TNR: variants seen among roughly 807,000 people sequenced by gnomAD.
The protein encoded by TNR is tenascin-R.
A neutral mutation model predicts 150.4 loss-of-function variants in TNR; 45 were observed. The observed-to-expected ratio is 0.30, with a 90% CI of 0.24 to 0.38. TNR has a LOEUF of 0.38. Among genes scored for constraint, TNR ranks in the 10% least tolerant of loss-of-function variants. TNR has a pLI of 1.00. For missense variants in TNR, 1,544 were observed against 1,759.1 expected (o/e 0.88, Z 2.19); for synonymous variants, 687 against 678.4 (o/e 1.01, Z -0.20).
At chr1:175,333,514 T>A (rs564419354) in intron 20 of TNR, 1 of 152,360 alleles carries the variant, frequency 6.6e-6, no homozygotes, top group South Asian at 2.1e-4. Flanking sequence ...GCATTTACCT[T>A]ACATTTTTAT....
At chr1:175,487,528 T>C (rs1658066170) in intron 2 of TNR, among the ~76,000 whole-genome samples, 1 of 152,330 alleles carries the variant, frequency 6.6e-6, no homozygotes, top group African/African-American at 2.4e-5. Flanking sequence ...GTGGCTACCA[T>C]GGTTTTCTGT....
intron 1 of TNR, among the ~76,000 whole-genome samples, chr1:175,609,165 T>C (rs777251939): frequency 1.3e-5 from 2 of 152,302 alleles, no homozygotes; most frequent in Middle Eastern, 3.4e-3. Flanking sequence ...GATGCACAAA[T>C]ACTGACACAG....
At chr1:175,416,413 G>A (rs1654448832) in intron 2 of TNR, among the ~76,000 whole-genome samples, 1 of 152,132 alleles carries the variant, frequency 6.6e-6, no homozygotes, top group African/African-American at 2.4e-5. Flanking sequence ...TATAAATAAT[G>A]AATTCCTAAT....
intron 1 of TNR, among the ~76,000 whole-genome samples, chr1:175,661,911 T>A (rs571351038): frequency 6.6e-6 from 1 of 151,206 alleles, no homozygotes; most frequent in African/African-American, 2.4e-5. Flanking sequence ...AGAGGCTGCA[T>A]TCACTGCTCA....
chr1:175,373,037 A>AT (rs1652176612), intron 9 of TNR, among the ~76,000 whole-genome samples: 1 of 152,128 alleles, frequency 6.6e-6, no homozygotes, highest in East Asian at 1.9e-4. Flanking sequence ...CAAAGATTTT[A>AT]TTTTTTTCAG....
Position 175,324,495 on chromosome 1 carries a change from C to T in TNR, c.3818G>A (p.Gly1273Glu), listed in dbSNP as rs1649247742. The change falls in exon 22 of 23, where the codon GGA becomes GAA. Residue 1273 changes from glycine (G) to glutamate (E), a missense_variant. Gly to Glu is a moderately conservative substitution (Grantham distance 98). Transcript: ENST00000367674. Reference protein sequence around the residue: ...TAGDSLSYHQGRPFSTEDRDN... With the variant: ...TAGDSLSYHQERPFSTEDRDN... ...TCTATCCTCTGTGGAGAAAGGGCGT[C>T]CTTGATGATAGCTGAGGGAGTCCCC... 5 of 1,613,960 alleles carry T rather than the reference C, an allele frequency of 3.1e-6. No homozygotes were observed. The highest frequency in any genetic ancestry group is 4.2e-6 in the Non-Finnish European group (5 of 1,179,916).
chr1:175,465,588 G>C (rs1656999241), intron 2 of TNR, among the ~76,000 whole-genome samples: 1 of 152,180 alleles, frequency 6.6e-6, no homozygotes, highest in Admixed American at 6.5e-5. Flanking sequence ...GGTTCTTAGG[G>C]TCAAGCCTCT....
At chr1:175,354,640 T>C (rs957970201) in intron 17 of TNR, 117 bp from the exon 18 acceptor site, 5 of 1,310,032 alleles carry the variant, frequency 3.8e-6, no homozygotes, top group Non-Finnish European at 5.4e-6. Context: ...CAATGGCCAT[T>C]GTCATCCTCT....
chr1:175,487,162 CA>C (rs1401363645), intron 2 of TNR, among the ~76,000 whole-genome samples: 1 of 152,122 alleles, frequency 6.6e-6, no homozygotes, highest in East Asian at 1.9e-4. Context: ...CTTTTGTTGC[CA>C]TTGCTTTTGG....
chr1:175,463,291 T>C (rs1201505881), intron 2 of TNR, among the ~76,000 whole-genome samples: 1 of 152,176 alleles, frequency 6.6e-6, no homozygotes, highest in Non-Finnish European at 1.5e-5. Flanking sequence ...CCTTCCTGAT[T>C]TTACTGCATA....
intron 20 of TNR, among the ~76,000 whole-genome samples, chr1:175,331,058 T>TTTCCTTC (rs1553203362): frequency 1.5e-4 from 18 of 116,208 alleles, no homozygotes; most frequent in Middle Eastern, 4.4e-3. Flanking sequence ...TCTTTCTTTC[T>TTTCCTTC]TTCTTTCTTT....
chr1:175,362,560 C>T (rs1012482018), intron 14 of TNR, 103 bp downstream of exon 14: 162 of 1,457,344 alleles, frequency 1.1e-4, no homozygotes, highest in Non-Finnish European at 1.1e-4. Context: ...AGGAGCACCC[C>T]GAAATGGAGC....
intron 1 of TNR, among the ~76,000 whole-genome samples, chr1:175,727,093 G>A (rs999708481): frequency 1.3e-5 from 2 of 152,216 alleles, no homozygotes; most frequent in Non-Finnish European, 2.9e-5. Context: ...GGCTGCCTAA[G>A]CAATGACAAG....
intron 1 of TNR, among the ~76,000 whole-genome samples, chr1:175,705,082 G>C (rs1327401394): frequency 6.6e-6 from 1 of 152,136 alleles, no homozygotes; most frequent in African/African-American, 2.4e-5. Context: ...TGAGCGCCTG[G>C]TGTGAGCTCT....
chr1:175,376,490 G>A (rs1652384736), intron 9 of TNR, among the ~76,000 whole-genome samples: 1 of 150,406 alleles, frequency 6.6e-6, no homozygotes, highest in Non-Finnish European at 1.5e-5. Context: ...GAAAGTCTAG[G>A]CTCTTAGCAT....
chr1:175,347,496 C>T (rs949911370), intron 18 of TNR, among the ~76,000 whole-genome samples: 1 of 152,066 alleles, frequency 6.6e-6, no homozygotes, highest in African/African-American at 2.4e-5. Flanking sequence ...GGTGTCATCT[C>T]GGCTCACAGC....
chr1:175,491,343 T>A (rs549263075), intron 2 of TNR, among the ~76,000 whole-genome samples: 1 of 152,120 alleles, frequency 6.6e-6, no homozygotes, highest in Admixed American at 6.5e-5. Flanking sequence ...GAAACAAACT[T>A]GTGCACCTAA....
At chr1:175,689,964 G>T (rs1180752237) in intron 1 of TNR, among the ~76,000 whole-genome samples, 1 of 152,150 alleles carries the variant, frequency 6.6e-6, no homozygotes, top group Admixed American at 6.5e-5. Flanking sequence ...ATGATTCATT[G>T]TTTCATGTAA....
intron 2 of TNR, among the ~76,000 whole-genome samples, chr1:175,451,614 G>A (rs1020231899): frequency 4.6e-5 from 7 of 152,192 alleles, no homozygotes; most frequent in South Asian, 2.1e-4. Flanking sequence ...TGGATACGCC[G>A]TCCCAGAGGA....
Sources: allele counts gnomAD v4.1 joint callset (sites outside exome capture counted in the v4.1 genomes callset), GRCh38; gene constraint gnomAD v4.1.1; transcripts MANE v1.5; gene names NCBI Gene and HGNC (gene_info 2026-07-23, HGNC 2026-07-21).